SLC43A1: variants seen among roughly 807,000 people sequenced by gnomAD.
SLC43A1 encodes the protein large neutral amino acids transporter small subunit 3.
Under a neutral mutation model 59.5 loss-of-function variants are expected in SLC43A1, and 31 were observed. The observed-to-expected ratio is 0.52, with a 90% CI of 0.39 to 0.70. The LOEUF (loss-of-function observed/expected upper bound fraction) is 0.70, where lower values mean the gene tolerates loss of function less well. SLC43A1 is among the 30% of genes least tolerant of loss of function. SLC43A1 has a pLI of 0.00. For synonymous variants in SLC43A1, 259 were observed against 290.9 expected, an observed-to-expected ratio of 0.89 and a Z score of 1.12; for missense variants, 598 against 717.8, an observed-to-expected ratio of 0.83 and a Z score of 1.91.
At chr11:57,512,121 G>C (rs1211304812) in intron 2 of SLC43A1, among the ~76,000 whole-genome samples, 1 of 152,196 alleles carries the variant, frequency 6.6e-6, no homozygotes, top group Non-Finnish European at 1.5e-5. Flanking sequence ...AAAAATGCAG[G>C]TGGAGGGATG....
At chr11:57,505,316 C>G (rs1490190050) in intron 2 of SLC43A1, among the ~76,000 whole-genome samples, 1 of 152,072 alleles carries the variant, frequency 6.6e-6, no homozygotes, top group Non-Finnish European at 1.5e-5. Context: ...GTTCAAGACC[C>G]ACCTGGCCAA....
chr11:57,494,048 C>T lies in SLC43A1; in HGVS notation c.816G>A (p.Ser272=), dbSNP rs761270963. 9.3e-6 allele frequency: 15 copies of T among 1,609,928 alleles called. No homozygotes were observed. The highest frequency in any genetic ancestry group is 1.6e-4 in the Middle Eastern group (1 of 6,070). The change falls in exon 8 of 15, where the codon TCG becomes TCA. Residue 272 remains serine, a synonymous_variant. Coordinates refer to ENST00000278426, the MANE Select transcript of SLC43A1 (RefSeq NM_003627.6). ...CATCCTGGGGTGACATGAAGGCATC[C>T]GAACCGTCCTCCAGGCTGGGGGCCT... ...SQKAPSLEDG[S]DAFMSPQDVR...
intron 7 of SLC43A1, among the ~76,000 whole-genome samples, chr11:57,495,668 T>A (rs1267145846): frequency 1.3e-5 from 2 of 151,544 alleles, no homozygotes; most frequent in Non-Finnish European, 2.9e-5. Flanking sequence ...CTACAAAAAA[T>A]AAAAAAATTA....
rs1480944418 is a variant in SLC43A1, at chr11:57,487,133, T to C, written c.1495A>G (p.Met499Val). ...CCTTTCAGGGGTCCCACCATCGCCATGAAAAGTGGCTGCTGAAGCAAGGCG... is the reference window on the plus strand; with the variant it reads ...CCTTTCAGGGGTCCCACCATCGCCACGAAAAGTGGCTGCTGAAGCAAGGCG... ...VFALLQQPLF[M>V]AMVGPLKGEP... The change falls in exon 14 of 15, where the codon ATG (methionine) becomes GTG (valine). Residue 499 changes from methionine to valine, a missense_variant. Physicochemically the swap from Met to Val is conservative, Grantham distance 21. Coordinates refer to ENST00000278426, the MANE Select transcript of SLC43A1 (RefSeq NM_003627.6). 5.0e-6 allele frequency: 8 copies of C among 1,613,924 alleles called. No homozygotes were observed. The highest frequency in any genetic ancestry group is 3.3e-4 in the Middle Eastern group (2 of 6,046).
rs890096488 is a variant in SLC43A1 at position 57,484,777 on chromosome 11, C to T, written c.*319G>A. Reference sequence around the variant, plus strand: ...TCAGGGGTAGCCTGTTTGCCGATCCCCCCAAGAGGTACCAGGAGGCAGACC... The same window carrying T: ...TCAGGGGTAGCCTGTTTGCCGATCCTCCCAAGAGGTACCAGGAGGCAGACC... On this transcript the variant is annotated 3_prime_UTR_variant, in exon 15 of 15. Coordinates refer to ENST00000278426, the MANE Select transcript of SLC43A1 (RefSeq NM_003627.6). 2 of 255,692 alleles carry T rather than the reference C, an allele frequency of 7.8e-6. No individual in the cohort carries two copies. The highest frequency in any genetic ancestry group is 4.5e-5 in the African/African-American group (2 of 44,918). 15.8% of individuals were successfully genotyped at this position (255,692 alleles called of 1,614,324 possible). A position where few individuals can be genotyped will look rare whatever the true frequency, so the allele number is the denominator to read the frequency against.
intron 7 of SLC43A1, 101 bp from the exon 8 acceptor site, chr11:57,494,272 T>C: frequency 9.3e-7 from 1 of 1,071,120 alleles, no homozygotes; most frequent in Non-Finnish European, 1.3e-6. Context: ...CAGCACTCCT[T>C]TACCCGGCAT....
intron 2 of SLC43A1, among the ~76,000 whole-genome samples, chr11:57,510,403 A>G (rs1944507258): frequency 7.2e-6 from 1 of 138,580 alleles, no homozygotes; most frequent in South Asian, 2.4e-4. Flanking sequence ...GGTTGCAGTG[A>G]GCTGAGATCA....
At position 57,485,259 on chromosome 11, in the gene SLC43A1, G is replaced by A. The variant is rs751477312; in HGVS notation, c.1534-17C>T. 31 of 1,603,998 alleles carry A rather than the reference G, an allele frequency of 1.9e-5. No individual in the cohort carries two copies. The East Asian group carries it at 6.9e-4, about 36-fold the overall frequency. On this transcript the variant is annotated splice_polypyrimidine_tract_variant and intron_variant, in intron 14 of 14. Coordinates refer to ENST00000278426, the MANE Select transcript of SLC43A1 (RefSeq NM_003627.6). ...CAGATTCACCTTTAGGGCAAGGAGAGAGAAACAGAGTCAAGTAGGTAGTCA... is the reference window on the plus strand; with the variant it reads ...CAGATTCACCTTTAGGGCAAGGAGAAAGAAACAGAGTCAAGTAGGTAGTCA...
chr11:57,496,965 C>T (rs927245314), intron 6 of SLC43A1, among the ~76,000 whole-genome samples: 2 of 152,140 alleles, frequency 1.3e-5, no homozygotes, highest in African/African-American at 4.8e-5. Context: ...GCCACACCCC[C>T]AAATGTGTGG....
Position 57,491,842 on chromosome 11 carries a change from T to C in SLC43A1, c.892A>G (p.Ser298Gly). The C allele has an allele frequency of 6.2e-7, 1 of 1,614,102 alleles. No homozygotes were observed. The highest frequency in any genetic ancestry group is 8.5e-7 in the Non-Finnish European group (1 of 1,180,024). ...LPERSVPLRK[S>G]LCSPTFLWSL... is the part of the protein sequence containing the mutation. ...CACAGGAAAGTGGGGGAGCAGAGGCTCTTGCGTAAGGGGACAGACCCTGGG... is the reference window on the plus strand; with the variant it reads ...CACAGGAAAGTGGGGGAGCAGAGGCCCTTGCGTAAGGGGACAGACCCTGGG... Residue 298 changes from serine (S) to glycine (G), a missense_variant, in exon 9 of 15, where the codon AGC becomes GGC. Ser to Gly is a moderately conservative substitution (Grantham distance 56). Transcript: ENST00000278426.
intron 5 of SLC43A1, among the ~76,000 whole-genome samples, chr11:57,499,326 C>A (rs370920157): frequency 1.4e-3 from 205 of 141,564 alleles, no homozygotes; most frequent in South Asian, 1.7e-3. Flanking sequence ...TCCGTCTCAA[C>A]AAAAAAAAAA....
chr11:57,503,303 T>G (rs973475136), intron 2 of SLC43A1, among the ~76,000 whole-genome samples: 4 of 148,916 alleles, frequency 2.7e-5, no homozygotes, highest in Non-Finnish European at 4.5e-5. Flanking sequence ...ACAGGTTTTT[T>G]TTTTTTTTTT....
Position 57,513,977 on chromosome 11 carries a change from G to C in SLC43A1, c.135C>G (p.Phe45Leu). ...GCATACCTGGGCACGTGCTGGAATA[G>C]AAGCCCTCGTTCTTCAGAATGATCA... ...SLLIILKNEGFYSSTCPAESS... is the reference protein window; with the variant it reads ...SLLIILKNEGLYSSTCPAESS... Residue 45 changes from phenylalanine to leucine, a missense_variant, in exon 2 of 15, where the codon TTC becomes TTG. Physicochemically the swap from Phe to Leu is conservative, Grantham distance 22. Coordinates refer to ENST00000278426, the MANE Select transcript of SLC43A1 (RefSeq NM_003627.6). 1 of 1,301,692 alleles carries C rather than the reference G, an allele frequency of 7.7e-7. No individual in the cohort carries two copies. The highest frequency in any genetic ancestry group is 1.0e-6 in the Non-Finnish European group (1 of 960,672). The allele number at this position is 1,301,692 out of a possible 1,614,324, so 80.6% of individuals were successfully genotyped here.
At chr11:57,497,494 G>T (rs1296697297) in intron 6 of SLC43A1, among the ~76,000 whole-genome samples, 1 of 152,252 alleles carries the variant, frequency 6.6e-6, no homozygotes, top group East Asian at 1.9e-4. Context: ...TTTTTCAGCA[G>T]TGTGTGAGCC....
In SLC43A1 at chr11:57,506,108, G is replaced by T. The variant is rs1944389221; in HGVS notation, c.155-4779C>A. 2.0e-5 allele frequency among the ~76,000 whole-genome samples: 3 copies of T among 152,318 alleles called. No individual in the cohort carries two copies. The South Asian group carries it at 6.2e-4, about 32-fold the overall frequency. On this transcript the variant is annotated intron_variant, in intron 2 of 14. Coordinates refer to ENST00000278426, the MANE Select transcript of SLC43A1 (RefSeq NM_003627.6). ...TGCCTGTAATCCCGGCACTTTGGGA[G>T]GCCAAGACAGGAGGATCGCTTGAGT...
intron 7 of SLC43A1, 27 bp downstream of exon 7, chr11:57,496,004 G>A: frequency 6.2e-7 from 1 of 1,612,212 alleles, no homozygotes; most frequent in Non-Finnish European, 8.5e-7. Flanking sequence ...GCCCCAGGGA[G>A]AGTCTCTGCC....
At chr11:57,499,094 G>A (rs1053582476) in intron 5 of SLC43A1, among the ~76,000 whole-genome samples, 6 of 152,140 alleles carry the variant, frequency 3.9e-5, no homozygotes, top group Non-Finnish European at 7.4e-5. Context: ...AGGCCGAGGC[G>A]GGTGGATTGC....
intron 8 of SLC43A1, among the ~76,000 whole-genome samples, chr11:57,492,534 G>GTGTA (rs1943947862): frequency 1.6e-5 from 1 of 63,434 alleles, no homozygotes; most frequent in African/African-American, 7.1e-5. Context: ...ATATAATTTT[G>GTGTA]TGTATATATA....
rs1401520808 is a variant in SLC43A1 at position 57,515,061 on chromosome 11, A to C, written c.-14+383T>G. ...GATGAGACCGAGGAAAGCGGAGAGG[A>C]GAAGGGCAAGAAAGACCCAGAGAGA... On this transcript the variant is annotated intron_variant, in intron 1 of 14. Coordinates refer to ENST00000278426, the MANE Select transcript of SLC43A1 (RefSeq NM_003627.6). The surrounding 1 kb of genome is among the most constrained non-coding windows in gnomAD (Gnocchi z 5.3). 8 of 984,980 alleles carry C rather than the reference A, an allele frequency of 8.1e-6. No homozygotes were observed. The highest frequency in any genetic ancestry group is 6.2e-5 in the Admixed American group (1 of 16,220). 61.0% of individuals were successfully genotyped at this position (984,980 alleles called of 1,614,324 possible).
Sources: allele counts gnomAD v4.1 joint callset (sites outside exome capture counted in the v4.1 genomes callset), GRCh38; gene constraint gnomAD v4.1.1; non-coding constraint Gnocchi (gnomAD v3.1); transcripts MANE v1.5; gene names NCBI Gene and HGNC (gene_info 2026-07-23, HGNC 2026-07-21).